LCMT1: variants seen among roughly 807,000 people sequenced by gnomAD.
LCMT1 encodes the protein [Phosphatase 2A protein]-leucine-carboxy methyltransferase 1.
Under a neutral mutation model 47.7 loss-of-function variants are expected in LCMT1, and 32 were observed. The ratio of observed to expected loss-of-function variants is 0.67; its 90% CI spans 0.51 to 0.90. LCMT1 has a LOEUF of 0.90. Among genes scored for constraint, LCMT1 ranks in the 40% least tolerant of loss-of-function variants. LCMT1 has a pLI of 0.00. For missense variants in LCMT1, 375 were observed against 415.2 expected, an observed-to-expected ratio of 0.90 and a Z score of 0.84; for synonymous variants, 152 against 149.7, an observed-to-expected ratio of 1.02 and a Z score of -0.11.
At chr16:25,170,538 G>A (rs1459433984) in intron 8 of LCMT1, among the ~76,000 whole-genome samples, 176 bp from the exon 9 acceptor site, 1 of 152,146 alleles carries the variant, frequency 6.6e-6, no homozygotes, top group Non-Finnish European at 1.5e-5. Context: ...GCAGAGCGGG[G>A]AGGATCGCTT....
chr16:25,161,106 A>T lies in LCMT1; in HGVS notation c.471A>T (p.Gly157=). Reference sequence around the variant, plus strand: ...AGCCTCTGATTGCATTTGCAGATGGACACATACTGGATTCAAAGAGATATG... The same window carrying T: ...AGCCTCTGATTGCATTTGCAGATGGTCACATACTGGATTCAAAGAGATATG... ...LHSEDTLQMD[G]HILDSKRYAV... The change falls in exon 6 of 11, where the codon GGA becomes GGT. Residue 157 remains glycine (G), a synonymous_variant. Transcript: ENST00000399069. 2 of 1,597,556 alleles carry T rather than the reference A, an allele frequency of 1.3e-6. No homozygotes were observed. The highest frequency in any genetic ancestry group is 1.7e-4 in the Middle Eastern group (1 of 6,040).
chr16:25,120,693 TGCTTGGATTACAG>T (rs1323684393), intron 1 of LCMT1, among the ~76,000 whole-genome samples: 8 of 151,610 alleles, frequency 5.3e-5, no homozygotes, highest in Non-Finnish European at 1.2e-4. Flanking sequence ...CCTCCCAAAG[TGCTTGGATTACAG>T]GCGTGAGACA....
In LCMT1 at chr16:25,111,998, TGCCTGTCGG is replaced by T; in HGVS notation, c.113+5_113+13del. On this transcript the variant is annotated splice_donor_5th_base_variant and intron_variant, in intron 1 of 10. Transcript: ENST00000399069. ...CGAAGATGCTTCCCTGTGCAAGAGG[TGCCTGTCGG>T]GCGCGGGGTTCGGGGCCGGCATCTG... 6.2e-7 allele frequency: 1 copy of T among 1,609,508 alleles called. No homozygotes were observed. The highest frequency in any genetic ancestry group is 8.5e-7 in the Non-Finnish European group (1 of 1,176,628).
chr16:25,140,328 G>T (rs1960646425), intron 4 of LCMT1, 81 bp downstream of exon 4: 2 of 1,092,122 alleles, frequency 1.8e-6, no homozygotes, highest in African/African-American at 1.6e-5. Flanking sequence ...CTGAATGCCA[G>T]AGACTTCACT....
intron 3 of LCMT1, among the ~76,000 whole-genome samples, chr16:25,134,840 G>A (rs1006286023): frequency 2.0e-5 from 3 of 152,106 alleles, no homozygotes; most frequent in African/African-American, 7.2e-5. Flanking sequence ...GCCTCAAGTG[G>A]TCCACCTGCC....
At chr16:25,124,220 T>G (rs1326161933) in intron 1 of LCMT1, among the ~76,000 whole-genome samples, 1 of 152,214 alleles carries the variant, frequency 6.6e-6, no homozygotes, top group East Asian at 1.9e-4. Flanking sequence ...TGAAAAAGTT[T>G]AAATTTTTAA....
intron 8 of LCMT1, chr16:25,169,426 T>G: frequency 2.2e-6 from 1 of 457,602 alleles, no homozygotes; most frequent in Non-Finnish European, 4.0e-6. Context: ...TATTTTGACT[T>G]TGTATTACGC....
chr16:25,114,826 C>T (rs1209744441), intron 1 of LCMT1, among the ~76,000 whole-genome samples: 3 of 152,106 alleles, frequency 2.0e-5, no homozygotes, highest in Non-Finnish European at 4.4e-5. Flanking sequence ...TCCTGTGTGT[C>T]TCCCGCGTCT....
rs758478933 is a variant in LCMT1 at position 25,132,356 on chromosome 16, T to C, written c.206-46T>C. 1.7e-5 allele frequency: 27 copies of C among 1,608,206 alleles called. No individual in the cohort carries two copies. The Admixed American group carries it at 3.0e-4, about 18-fold the overall frequency. On this transcript the variant is annotated intron_variant, in intron 2 of 10. Coordinates refer to ENST00000399069, the MANE Select transcript of LCMT1 (RefSeq NM_016309.3). ...GTGGGCTTCACAGGGATAATTTCTG[T>C]CATCACTGGGTGATAGCTTGTTTCT...
At chr16:25,128,093 G>A (rs1423563200) in intron 1 of LCMT1, among the ~76,000 whole-genome samples, 2 of 152,192 alleles carry the variant, frequency 1.3e-5, no homozygotes, top group Admixed American at 6.5e-5. Context: ...TCTGGGCACA[G>A]GCTTTTTCAT....
rs1487461184 is a variant in LCMT1 at position 25,112,006 on chromosome 16, G to C, written c.113+10G>C. ...CTTCCCTGTGCAAGAGGTGCCTGTC[G>C]GGCGCGGGGTTCGGGGCCGGCATCT... On this transcript the variant is annotated intron_variant, in intron 1 of 10. Coordinates refer to ENST00000399069, the MANE Select transcript of LCMT1 (RefSeq NM_016309.3). The C allele has an allele frequency of 2.2e-5, 35 of 1,601,880 alleles. 1 individual carries two copies. The highest frequency in any genetic ancestry group is 3.0e-5 in the Non-Finnish European group (35 of 1,170,262).
rs528725819 is a variant in LCMT1 at position 25,118,567 on chromosome 16, A to G, written c.113+6571A>G. ...AATAGCCAGGAAACAAATCAGCACAATATGTGTCGTGTGAGACGGTGGGAG... is the reference window on the plus strand; with the variant it reads ...AATAGCCAGGAAACAAATCAGCACAGTATGTGTCGTGTGAGACGGTGGGAG... On this transcript the variant is annotated intron_variant, in intron 1 of 10. Coordinates refer to ENST00000399069, the MANE Select transcript of LCMT1 (RefSeq NM_016309.3). Among the ~76,000 whole-genome samples the G allele has an allele frequency of 3.9e-5, 6 of 152,112 alleles. No individual in the cohort carries two copies. In the South Asian group the frequency reaches 6.2e-4, roughly 16 times the overall value.
At chr16:25,172,477 C>T (rs1961804356) in intron 9 of LCMT1, among the ~76,000 whole-genome samples, 1 of 152,216 alleles carries the variant, frequency 6.6e-6, no homozygotes, top group African/African-American at 2.4e-5. Flanking sequence ...CTGGAGAGAA[C>T]ATCACCAACG....
At chr16:25,169,343 T>A in intron 8 of LCMT1, 130 bp downstream of exon 8, 1 of 625,170 alleles carries the variant, frequency 1.6e-6, no homozygotes, top group Non-Finnish European at 2.9e-6. Flanking sequence ...CTGCTGAGCC[T>A]CCATGTGGGC....
At chr16:25,156,230 A>G (rs1961253308) in intron 5 of LCMT1, among the ~76,000 whole-genome samples, 1 of 151,926 alleles carries the variant, frequency 6.6e-6, no homozygotes, top group African/African-American at 2.4e-5. Flanking sequence ...CATGGTACTG[A>G]CTGCTCCTTG....
chr16:25,167,908 G>A (rs969139902), intron 7 of LCMT1, among the ~76,000 whole-genome samples: 6 of 151,838 alleles, frequency 4.0e-5, no homozygotes, highest in East Asian at 3.9e-4. Context: ...TTACAGGCGT[G>A]TGCCACTATT....
At chr16:25,156,940 CTTTT>C (rs5816285) in intron 5 of LCMT1, among the ~76,000 whole-genome samples, 1 of 130,038 alleles carries the variant, frequency 7.7e-6, no homozygotes, top group African/African-American at 2.9e-5. Context: ...TCCATTTTAC[CTTTT>C]TTTTTTTTTT....
intron 1 of LCMT1, among the ~76,000 whole-genome samples, chr16:25,118,274 T>A (rs749731582): frequency 3.3e-5 from 5 of 151,970 alleles, no homozygotes; most frequent in Admixed American, 6.6e-5. Flanking sequence ...GTCACCGCCA[T>A]CCTTTCAGTT....
chr16:25,162,677 GA>G (rs1961468323), intron 6 of LCMT1, among the ~76,000 whole-genome samples: 2 of 152,024 alleles, frequency 1.3e-5, no homozygotes, highest in Non-Finnish European at 2.9e-5. Context: ...AGCAGTTGAA[GA>G]TGCTGAAATC....
Sources: allele counts gnomAD v4.1 joint callset (sites outside exome capture counted in the v4.1 genomes callset), GRCh38; gene constraint gnomAD v4.1.1; transcripts MANE v1.5; gene names NCBI Gene and HGNC (gene_info 2026-07-23, HGNC 2026-07-21).